The following MAP4K4 variants were observed in gnomAD, a reference collection of about 807,000 sequenced individuals.
The protein encoded by MAP4K4 is HPK/GCK-like kinase HGK.
MAP4K4 carries 38 observed loss-of-function variants against 189.6 expected under a neutral mutation model. That is an observed-to-expected ratio of 0.20 (90% CI 0.15 to 0.26). The LOEUF (loss-of-function observed/expected upper bound fraction) is 0.26, where lower values mean the gene tolerates loss of function less well. Among genes scored for constraint, MAP4K4 ranks in the 10% least tolerant of loss-of-function variants. MAP4K4 has a pLI of 1.00. For synonymous variants in MAP4K4, 610 were observed against 624.3 expected, an observed-to-expected ratio of 0.98 and a Z score of 0.34; for missense variants, 1,054 against 1,726.9, an observed-to-expected ratio of 0.61 and a Z score of 6.91.
intron 2 of MAP4K4, among the ~76,000 whole-genome samples, chr2:101,737,037 G>C (rs1476327768): frequency 6.6e-6 from 1 of 152,138 alleles, no homozygotes; most frequent in Non-Finnish European, 1.5e-5. Flanking sequence ...GGCAATCGGA[G>C]TTTTGATTAT....
chr2:101,804,895 GAAAACCTGTCTCTACTAAAGATA>G (rs1420310518), intron 3 of MAP4K4, among the ~76,000 whole-genome samples: 1 of 151,864 alleles, frequency 6.6e-6, no homozygotes, highest in East Asian at 1.9e-4. Flanking sequence ...CCAATGTGTT[GAAAACCTGTCTCTACTAAAGATA>G]CAAAAATTGG....
intron 2 of MAP4K4, among the ~76,000 whole-genome samples, chr2:101,747,569 A>C (rs1385616038): frequency 6.6e-6 from 1 of 152,172 alleles, no homozygotes; most frequent in Admixed American, 6.5e-5. Context: ...CCCACCTTCT[A>C]ATTAGAGAAG....
chr2:101,725,038 G>A (rs1289365869), intron 2 of MAP4K4, among the ~76,000 whole-genome samples: 1 of 152,158 alleles, frequency 6.6e-6, no homozygotes, highest in Non-Finnish European at 1.5e-5. Flanking sequence ...TGTAGAGTAG[G>A]CCATACCATT....
At chr2:101,843,604 A>G (rs137908486) in intron 11 of MAP4K4, among the ~76,000 whole-genome samples, 10 of 152,200 alleles carry the variant, frequency 6.6e-5, no homozygotes, top group South Asian at 4.2e-4. Context: ...TGTTTAATTG[A>G]TCTGTGTAGT....
intron 2 of MAP4K4, among the ~76,000 whole-genome samples, chr2:101,711,516 A>C: frequency 6.6e-6 from 1 of 152,100 alleles, no homozygotes. Context: ...TGGCCTCCCA[A>C]AGTGCTGGGA....
At chr2:101,708,793 C>T (rs970714509) in intron 2 of MAP4K4, among the ~76,000 whole-genome samples, 6 of 152,208 alleles carry the variant, frequency 3.9e-5, no homozygotes, top group African/African-American at 1.4e-4. Flanking sequence ...CCCAGAGCCC[C>T]AGGCAACCAA....
intron 2 of MAP4K4, among the ~76,000 whole-genome samples, chr2:101,721,372 G>A (rs1037671408): frequency 6.6e-6 from 1 of 151,542 alleles, no homozygotes; most frequent in Non-Finnish European, 1.5e-5. Flanking sequence ...GATTGGGCAG[G>A]ACAAGAAAGA....
chr2:101,772,121 C>T (rs954043674), intron 2 of MAP4K4, among the ~76,000 whole-genome samples: 1 of 152,182 alleles, frequency 6.6e-6, no homozygotes, highest in South Asian at 2.1e-4. Flanking sequence ...AGGACATTGC[C>T]CAAATAAACA....
intron 18 of MAP4K4, among the ~76,000 whole-genome samples, chr2:101,865,337 C>T (rs150229432): frequency 2.0e-5 from 3 of 152,150 alleles, no homozygotes; most frequent in African/African-American, 4.8e-5. Context: ...GAATTGTGAT[C>T]GGGGGGAGCT....
At chr2:101,867,433 T>C (rs1320818203) in intron 20 of MAP4K4, 124 bp downstream of exon 20, 15 of 681,256 alleles carry the variant, frequency 2.2e-5, no homozygotes, top group South Asian at 1.1e-4. Flanking sequence ...TGAGGAATTA[T>C]AAGGAATGAC....
intron 19 of MAP4K4, 26 bp downstream of exon 19, chr2:101,866,605 C>A: frequency 6.2e-7 from 1 of 1,603,762 alleles, no homozygotes; most frequent in Non-Finnish European, 8.5e-7. Flanking sequence ...TTTCCTTTTT[C>A]CCTGCTAATG....
chr2:101,778,509 T>TG (rs1379424972), intron 2 of MAP4K4, among the ~76,000 whole-genome samples: 2 of 150,782 alleles, frequency 1.3e-5, no homozygotes, highest in African/African-American at 4.9e-5. Flanking sequence ...GGTGGCGCTT[T>TG]GGGGGGATAC....
chr2:101,859,002 A>G (rs758121433), exon 14 of MAP4K4: 3 of 1,611,348 alleles, frequency 1.9e-6, no homozygotes, highest in Non-Finnish European at 2.5e-6. Context: ...ACAGGAGTAT[A>G]TCAGGCGACA....
intron 2 of MAP4K4, among the ~76,000 whole-genome samples, chr2:101,768,429 A>G (rs2079710841): frequency 6.6e-6 from 1 of 152,202 alleles, no homozygotes; most frequent in South Asian, 2.1e-4. Flanking sequence ...CTGTTCTAAA[A>G]CACCACATTG....
chr2:101,801,332 G>T (rs576238030), intron 3 of MAP4K4, among the ~76,000 whole-genome samples: 1 of 152,144 alleles, frequency 6.6e-6, no homozygotes, highest in Non-Finnish European at 1.5e-5. Flanking sequence ...TTCAGCAAGA[G>T]AACAGGCATG....
chr2:101,761,141 C>T (rs563389007), intron 2 of MAP4K4, among the ~76,000 whole-genome samples: 35 of 152,126 alleles, frequency 2.3e-4, no homozygotes, highest in African/African-American at 8.0e-4. Context: ...CTATAATAAT[C>T]GCAGTTTTAA....
At chr2:101,701,630 TAAAA>T (rs907238176) in intron 2 of MAP4K4, among the ~76,000 whole-genome samples, 1 of 152,156 alleles carries the variant, frequency 6.6e-6, no homozygotes, top group African/African-American at 2.4e-5. Context: ...AACTTCATCT[TAAAA>T]GAAGGAGGTG....
intron 27 of MAP4K4, among the ~76,000 whole-genome samples, chr2:101,881,702 T>G (rs941340296): frequency 6.6e-6 from 1 of 152,220 alleles, no homozygotes; most frequent in African/African-American, 2.4e-5. Flanking sequence ...CAGTTCCCCC[T>G]CTATTCCTAT....
At chr2:101,828,736 G>A (rs921147278) in intron 5 of MAP4K4, among the ~76,000 whole-genome samples, 8 of 152,136 alleles carry the variant, frequency 5.3e-5, no homozygotes, top group Middle Eastern at 3.2e-3. Flanking sequence ...TTAAGGAGGC[G>A]AGCTGTATAT....
Sources: gnomAD v4.1 joint callset for allele counts (sites outside exome capture counted in the v4.1 genomes callset) on GRCh38, gnomAD v4.1.1 for gene constraint, MANE v1.5 for transcripts, NCBI Gene and HGNC (gene_info 2026-07-23, HGNC 2026-07-21) for gene names.